CTXND1: variants seen among roughly 807,000 people sequenced by gnomAD.
The protein encoded by CTXND1 is cortexin domain containing 1, also known as cortexin domain-containing 1 protein.
chr15:80,239,245 T>G (rs1893537695), intron 1 of CTXND1, among the ~76,000 whole-genome samples: 1 of 152,206 alleles, frequency 6.6e-6, no homozygotes, highest in Non-Finnish European at 1.5e-5. Flanking sequence ...TATGGTCTCT[T>G]GCTCCCCACC....
At chr15:80,220,917 T>A (rs966761868) in intron 1 of CTXND1, among the ~76,000 whole-genome samples, 20 of 148,546 alleles carry the variant, frequency 1.3e-4, no homozygotes, top group African/African-American at 3.0e-4. Flanking sequence ...TTATTATTTT[T>A]TTTTTTTTTG....
At chr15:80,222,292 T>C (rs1335838551) in intron 1 of CTXND1, among the ~76,000 whole-genome samples, 2 of 152,168 alleles carry the variant, frequency 1.3e-5, no homozygotes, top group Non-Finnish European at 2.9e-5. Context: ...AGATGATCAA[T>C]TATGAATATT....
chr15:80,198,524 C>T lies in CTXND1; in HGVS notation c.*3246G>A, dbSNP rs112035917. ...AAAGTTCATCTTAGCTTGCCAGAAA[C>T]GAGTTGAGACGCTCTGATCACAAAG... On this transcript the variant is annotated 3_prime_UTR_variant, in exon 3 of 3. Coordinates refer to ENST00000560778, the MANE Select transcript of CTXND1 (RefSeq NM_001352888.2). 5.3e-5 allele frequency: 8 copies of T among 152,244 alleles called. No individual in the cohort carries two copies. The highest frequency in any genetic ancestry group is 1.2e-4 in the Non-Finnish European group (8 of 68,050). 9.4% of individuals were successfully genotyped at this position (152,244 alleles called of 1,614,324 possible). A position where few individuals can be genotyped will look rare whatever the true frequency, so the allele number is the denominator to read the frequency against.
Position 80,197,491 on chromosome 15 carries a change from C to T in CTXND1, c.*4279G>A, listed in dbSNP as rs2041426284. The T allele has an allele frequency of 6.6e-6, 1 of 152,294 alleles. No individual in the cohort carries two copies. The highest frequency in any genetic ancestry group is 2.4e-5 in the African/African-American group (1 of 41,452). 9.4% of individuals were successfully genotyped at this position (152,294 alleles called of 1,614,324 possible). A position where few individuals can be genotyped will look rare whatever the true frequency, so the allele number is the denominator to read the frequency against. ...GTGTGCCATCTCTTTCCTGCCAAGACACTGAAAAGTCCCAAGGAGAACCCT... is the reference window on the plus strand; with the variant it reads ...GTGTGCCATCTCTTTCCTGCCAAGATACTGAAAAGTCCCAAGGAGAACCCT... On this transcript the variant is annotated 3_prime_UTR_variant, in exon 3 of 3. Coordinates refer to ENST00000560778, the MANE Select transcript of CTXND1 (RefSeq NM_001352888.2).
intron 1 of CTXND1, among the ~76,000 whole-genome samples, chr15:80,247,308 AT>A (rs1893643627): frequency 6.6e-6 from 1 of 152,102 alleles, no homozygotes; most frequent in Admixed American, 6.5e-5. Context: ...ATTGTCCCTC[AT>A]CCCCATCAAC....
chr15:80,207,186 T>C (rs1893155807), intron 1 of CTXND1, among the ~76,000 whole-genome samples: 1 of 152,174 alleles, frequency 6.6e-6, no homozygotes, highest in African/African-American at 2.4e-5. Context: ...TCTTTCCCTT[T>C]TAAATATTCA....
chr15:80,246,448 A>G (rs1162113002), intron 1 of CTXND1, among the ~76,000 whole-genome samples: 1 of 152,234 alleles, frequency 6.6e-6, no homozygotes, highest in African/African-American at 2.4e-5. Flanking sequence ...TCGGAGCCAC[A>G]TAAGCCTGGA....
intron 1 of CTXND1, among the ~76,000 whole-genome samples, chr15:80,230,790 C>T (rs1893419482): frequency 6.6e-6 from 1 of 152,026 alleles, no homozygotes; most frequent in South Asian, 2.1e-4. Flanking sequence ...GGTGCGGTGG[C>T]TCATGCCTAT....
intron 1 of CTXND1, among the ~76,000 whole-genome samples, chr15:80,232,226 T>A (rs910086227): frequency 6.6e-6 from 1 of 152,068 alleles, no homozygotes; most frequent in Non-Finnish European, 1.5e-5. Context: ...TTCTCCTGAA[T>A]CAAAAGAGAT....
rs190344094 is a variant in CTXND1, at chr15:80,243,850, C to T, written c.-218+8157G>A. Among the ~76,000 whole-genome samples, 196 of 152,254 alleles carry T rather than the reference C, an allele frequency of 1.3e-3. 2 individuals are homozygous for T. The highest frequency in any genetic ancestry group is 2.7e-3 in the Admixed American group (42 of 15,304). ...ACACCCCTTCTTTTGGGGCTACCAG[C>T]TTAGATGGTGTAGTCAACATGGAAG... On this transcript the variant is annotated intron_variant, in intron 1 of 2. Transcript: ENST00000560778.
intron 1 of CTXND1, among the ~76,000 whole-genome samples, chr15:80,219,767 T>TGC (rs1260637134): frequency 6.6e-6 from 1 of 152,246 alleles, no homozygotes; most frequent in African/African-American, 2.4e-5. Flanking sequence ...TGCATTCCTC[T>TGC]GCTTTCTAAT....
chr15:80,221,489 G>A (rs1421814257), intron 1 of CTXND1, among the ~76,000 whole-genome samples: 3 of 152,186 alleles, frequency 2.0e-5, no homozygotes, highest in Non-Finnish European at 4.4e-5. Context: ...AGGCTGAGAT[G>A]GGAGGATCAC....
chr15:80,236,196 G>A (rs563665585), intron 1 of CTXND1, among the ~76,000 whole-genome samples: 3 of 151,696 alleles, frequency 2.0e-5, no homozygotes, highest in Non-Finnish European at 4.4e-5. Context: ...TCCTTTCAAG[G>A]TTGGCCCGCT....
chr15:80,213,308 G>T (rs996556878), intron 1 of CTXND1, among the ~76,000 whole-genome samples: 1 of 152,226 alleles, frequency 6.6e-6, no homozygotes, highest in African/African-American at 2.4e-5. Flanking sequence ...ATCTTTGGGG[G>T]CCAAAGAGTG....
At chr15:80,239,392 C>A (rs1893539596) in intron 1 of CTXND1, among the ~76,000 whole-genome samples, 1 of 152,204 alleles carries the variant, frequency 6.6e-6, no homozygotes, top group Non-Finnish European at 1.5e-5. Flanking sequence ...AAGGGTGTTG[C>A]CAAAAGAGAT....
At chr15:80,245,430 A>G (rs538846559) in intron 1 of CTXND1, among the ~76,000 whole-genome samples, 1 of 152,338 alleles carries the variant, frequency 6.6e-6, no homozygotes, top group African/African-American at 2.4e-5. Flanking sequence ...CAGCTCTTGC[A>G]TGGAGCTCTA....
At chr15:80,203,294 C>T (rs569450732) in intron 2 of CTXND1, among the ~76,000 whole-genome samples, 8 of 152,264 alleles carry the variant, frequency 5.3e-5, no homozygotes, top group African/African-American at 1.9e-4. Flanking sequence ...CTCATGATAC[C>T]CCTGGAAGCA....
At chr15:80,212,734 T>C (rs1893214054) in intron 1 of CTXND1, among the ~76,000 whole-genome samples, 1 of 152,196 alleles carries the variant, frequency 6.6e-6, no homozygotes, top group Non-Finnish European at 1.5e-5. Context: ...TCAAATGTTA[T>C]ATCAGCAGAA....
Position 80,247,543 on chromosome 15 carries a change from C to T in CTXND1, c.-218+4464G>A, listed in dbSNP as rs1886723484. Among the ~76,000 whole-genome samples, 4 of 151,990 alleles carry T rather than the reference C, an allele frequency of 2.6e-5. 1 individual carries two copies. In the South Asian group the frequency reaches 8.3e-4, roughly 32 times the overall value. On this transcript the variant is annotated intron_variant, in intron 1 of 2. Transcript: ENST00000560778. ...GTAAGGGAGGAATTTAGTCATAGGT[C>T]GAGATCTGACCCTTGGAACACTCAA... is the stretch of plus-strand genomic sequence containing the variant.
Sources: allele counts gnomAD v4.1 joint callset (sites outside exome capture counted in the v4.1 genomes callset), GRCh38; gene constraint gnomAD v4.1.1; transcripts MANE v1.5; gene names NCBI Gene and HGNC (gene_info 2026-07-23, HGNC 2026-07-21).